RBBP5: variants seen among roughly 807,000 people sequenced by gnomAD.
RBBP5 encodes the protein retinoblastoma-binding protein 5.
A neutral mutation model predicts 72.2 loss-of-function variants in RBBP5; 5 were observed. That is an observed-to-expected ratio of 0.07 (90% CI 0.04 to 0.15). The LOEUF (loss-of-function observed/expected upper bound fraction) is 0.15. RBBP5 is among the 10% of genes least tolerant of loss of function. The pLI, the probability that RBBP5 is intolerant of heterozygous loss-of-function variation, is 1.00. For synonymous variants in RBBP5, 209 were observed against 237.2 expected (o/e 0.88, Z 1.09); for missense variants, 322 against 652.2 (o/e 0.49, Z 5.51).
intron 1 of RBBP5, among the ~76,000 whole-genome samples, chr1:205,120,083 T>C (rs1212819318): frequency 6.6e-6 from 1 of 152,192 alleles, no homozygotes; most frequent in Non-Finnish European, 1.5e-5. Flanking sequence ...CACGTCACTC[T>C]CTTACTCATC....
At chr1:205,110,393 G>A in intron 3 of RBBP5, among the ~76,000 whole-genome samples, 1 of 152,004 alleles carries the variant, frequency 6.6e-6, no homozygotes. Context: ...ACTAATAGTT[G>A]AAGTCAGCTA....
rs772853857 is a variant in RBBP5 at position 205,109,214 on chromosome 1, A to T, written c.219-4046T>A. Among the ~76,000 whole-genome samples the T allele has an allele frequency of 6.0e-4, 90 of 150,844 alleles. 1 individual carries two copies. The highest frequency in any genetic ancestry group is 1.3e-4 in the Non-Finnish European group (9 of 68,030). On this transcript the variant is annotated intron_variant, in intron 3 of 13. Coordinates refer to ENST00000264515, the MANE Select transcript of RBBP5 (RefSeq NM_005057.4). ...AAGGTGTTAAAATGCAAAGGTGCAC[A>T]ATAAAAAAGCCAATAGCTGGATGAT...
intron 1 of RBBP5, among the ~76,000 whole-genome samples, chr1:205,121,234 A>G (rs1656725714): frequency 6.6e-6 from 1 of 152,234 alleles, no homozygotes; most frequent in African/African-American, 2.4e-5. Flanking sequence ...AATGACTCAA[A>G]GTGAGGGCGA....
Position 205,099,682 on chromosome 1 carries a change from G to A in RBBP5, c.978+59C>T. On this transcript the variant is annotated intron_variant, in intron 9 of 13. Coordinates refer to ENST00000264515, the MANE Select transcript of RBBP5 (RefSeq NM_005057.4). This position sits in a 1 kb window ranked among gnomAD's most constrained non-coding sequence, Gnocchi z 4.7. ...GTAATTTTTAGCTTCCTATGTATAA[G>A]GTTCTTTGATAAAAAGAAGGGGTAA... The A allele has an allele frequency of 6.8e-7, 1 of 1,471,274 alleles. No homozygotes were observed. The allele number at this position is 1,471,274 out of a possible 1,614,324, so 91.1% of individuals were successfully genotyped here.
At chr1:205,118,140 T>A (rs1356185343) in intron 1 of RBBP5, among the ~76,000 whole-genome samples, 2 of 152,056 alleles carry the variant, frequency 1.3e-5, no homozygotes, top group African/African-American at 4.8e-5. Context: ...TTAGCTGGAT[T>A]CCCATAGCTC....
At chr1:205,109,738 T>C (rs1196143387) in intron 3 of RBBP5, among the ~76,000 whole-genome samples, 1 of 152,204 alleles carries the variant, frequency 6.6e-6, no homozygotes, top group Non-Finnish European at 1.5e-5. Flanking sequence ...CCAAATTCCA[T>C]AACCTCAAGA....
At position 205,087,555 on chromosome 1, in the gene RBBP5, A is replaced by G. The variant is rs1424943066; in HGVS notation, c.*1232T>C. 4 of 74,346 alleles carry G rather than the reference A, an allele frequency of 5.4e-5. No homozygotes were observed. The highest frequency in any genetic ancestry group is 6.9e-4 in the East Asian group (1 of 1,456). The allele number at this position is 74,346 out of a possible 1,614,324, so 4.6% of individuals were successfully genotyped here. A position where few individuals can be genotyped will look rare whatever the true frequency, so the allele number is the denominator to read the frequency against. The stretch of plus-strand genomic sequence containing the variant: ...TTAAATTCTCCTTTTAAAATATTGA[A>G]AAAAAAAAAAAAAAAAAAAAGACGA... On this transcript the variant is annotated 3_prime_UTR_variant, in exon 14 of 14. Transcript: ENST00000264515.
At chr1:205,114,117 G>C (rs928909446) in intron 3 of RBBP5, among the ~76,000 whole-genome samples, 1 of 152,234 alleles carries the variant, frequency 6.6e-6, no homozygotes, top group Non-Finnish European at 1.5e-5. Flanking sequence ...CAGGCCACCA[G>C]TACTTTACTG....
intron 10 of RBBP5, among the ~76,000 whole-genome samples, 173 bp downstream of exon 10, chr1:205,098,816 C>A (rs1301464217): frequency 6.9e-6 from 1 of 145,680 alleles, no homozygotes; most frequent in Admixed American, 7.2e-5. Context: ...TTGCATCCAG[C>A]CTGGGTGACA....
chr1:205,096,889 T>C lies in RBBP5; in HGVS notation c.1189A>G (p.Lys397Glu). 6.2e-7 allele frequency: 1 copy of C among 1,602,168 alleles called. No homozygotes were observed. Among genetic ancestry groups the C allele is most frequent in the African/African-American group, 1.3e-5 (1 of 74,358 alleles). Reference protein sequence around the residue: ...CSSDEELEDSKALLYLPIAPE... With the variant: ...CSSDEELEDSEALLYLPIAPE... Reference sequence around the variant, plus strand: ...GCAATGGGTAAATACAATAGAGCCTTTGAATCTTCCAGCTCTTCATCACTA... The same window carrying C: ...GCAATGGGTAAATACAATAGAGCCTCTGAATCTTCCAGCTCTTCATCACTA... Residue 397 changes from lysine (K) to glutamate (E), a missense_variant, in exon 12 of 14, where the codon AAG becomes GAG. By Grantham distance (56) the Lys-to-Glu change is moderately conservative. Around this residue, in one of 6 missense-constraint regions of RBBP5, gnomAD observed 30 missense variants for 82.1 expected, o/e 0.37. Coordinates refer to ENST00000264515, the MANE Select transcript of RBBP5 (RefSeq NM_005057.4).
rs929306687 is a variant in RBBP5 at position 205,111,073 on chromosome 1, T to TA, written c.218+3715dup. 1.3e-3 allele frequency among the ~76,000 whole-genome samples: 197 copies of TA among 151,844 alleles called. 1 individual carries two copies. Among genetic ancestry groups the TA allele is most frequent in the African/African-American group, 3.7e-3 (153 of 41,422 alleles). On this transcript the variant is annotated intron_variant, in intron 3 of 13. Transcript: ENST00000264515. ...AGCAAGACTCTGTCTCGAAAAAATT[T>TA]AAAAAAAACAAAAAACTTTTAAATA...
Position 205,093,552 on chromosome 1 carries a change from A to ACACACACACACACG in RBBP5, c.1588+1320_1588+1321insCGTGTGTGTGTGTG, listed in dbSNP as rs1553352184. Among the ~76,000 whole-genome samples the ACACACACACACACG allele has an allele frequency of 2.2e-3, 147 of 66,360 alleles. 13 individuals carry two copies. The highest frequency in any genetic ancestry group is 4.9e-3 in the African/African-American group (124 of 25,338). 43.5% of individuals were successfully genotyped at this position (66,360 alleles called of 152,430 possible). On this transcript the variant is annotated intron_variant, in intron 13 of 13. Transcript: ENST00000264515. ...TATATATACACACACACACACACAC[A>ACACACACACACACG]CACACACACACACACACAGCATTAT... is the stretch of plus-strand genomic sequence containing the variant.
chr1:205,106,253 AT>A (rs1473791365), intron 3 of RBBP5, among the ~76,000 whole-genome samples: 2 of 152,180 alleles, frequency 1.3e-5, no homozygotes, highest in African/African-American at 4.8e-5. Context: ...GGTACACTCC[AT>A]TTCCCTGTGC....
At chr1:205,098,921 A>T (rs1056363151) in intron 10 of RBBP5, 68 bp downstream of exon 10, 1 of 1,003,850 alleles carries the variant, frequency 1.0e-6, no homozygotes, top group African/African-American at 1.7e-5. Context: ...TACAACACAA[A>T]TGAAGAATAT....
At chr1:205,089,012 C>T (rs958236858) in intron 13 of RBBP5, among the ~76,000 whole-genome samples, 197 bp from the exon 14 acceptor site, 1 of 152,158 alleles carries the variant, frequency 6.6e-6, no homozygotes, top group African/African-American at 2.4e-5. Context: ...AATCCAAACC[C>T]CCCACCCCAA....
At chr1:205,120,672 C>T (rs1270830784) in intron 1 of RBBP5, among the ~76,000 whole-genome samples, 2 of 152,042 alleles carry the variant, frequency 1.3e-5, no homozygotes, top group Non-Finnish European at 2.9e-5. Context: ...GTACCAGCTA[C>T]TCAGGAGGCT....
intron 12 of RBBP5, among the ~76,000 whole-genome samples, chr1:205,096,351 G>T (rs1202072537): frequency 6.6e-6 from 1 of 152,164 alleles, no homozygotes; most frequent in Non-Finnish European, 1.5e-5. Context: ...AGGATGAAAT[G>T]ATTGTCCAAG....
intron 10 of RBBP5, 68 bp from the exon 11 acceptor site, chr1:205,097,463 G>T: frequency 1.4e-6 from 2 of 1,422,268 alleles, no homozygotes; most frequent in Non-Finnish European, 1.9e-6. Flanking sequence ...GCAGCTTCAA[G>T]GTTTTCATAA....
At chr1:205,111,533 TCTTAA>T (rs1235665378) in intron 3 of RBBP5, among the ~76,000 whole-genome samples, 5 of 151,258 alleles carry the variant, frequency 3.3e-5, no homozygotes, top group Admixed American at 6.6e-5. Context: ...CTAAGAATTA[TCTTAA>T]CTTCTCCATT....
Sources: allele counts gnomAD v4.1 joint callset (sites outside exome capture counted in the v4.1 genomes callset), GRCh38; gene constraint gnomAD v4.1.1; regional missense constraint gnomAD v4.1.1; non-coding constraint Gnocchi (gnomAD v3.1); transcripts MANE v1.5; gene names NCBI Gene and HGNC (gene_info 2026-07-23, HGNC 2026-07-21).